The following CDC42BPA variants were observed in gnomAD, a reference collection of about 807,000 sequenced individuals.
The protein encoded by CDC42BPA is serine/threonine-protein kinase MRCK alpha.
Under a neutral mutation model 223.5 loss-of-function variants are expected in CDC42BPA, and 80 were observed. The observed-to-expected ratio is 0.36, with a 90% CI of 0.30 to 0.43. CDC42BPA has a LOEUF of 0.43. CDC42BPA is among the 20% of genes least tolerant of loss of function. The pLI, the probability that CDC42BPA is intolerant of heterozygous loss-of-function variation, is 1.00. For missense variants in CDC42BPA, 1,743 were observed against 2,099.9 expected, an observed-to-expected ratio of 0.83 and a Z score of 3.32; for synonymous variants, 694 against 718.6, an observed-to-expected ratio of 0.97 and a Z score of 0.55.
chr1:227,006,899 A>G (rs570815902), intron 34 of CDC42BPA, among the ~76,000 whole-genome samples: 6 of 152,068 alleles, frequency 3.9e-5, no homozygotes, highest in African/African-American at 1.4e-4. Context: ...AGATCACGCC[A>G]CTGCACTCCG....
intron 34 of CDC42BPA, chr1:227,010,927 G>T: frequency 7.3e-7 from 1 of 1,365,252 alleles, no homozygotes; most frequent in Non-Finnish European, 9.8e-7. Flanking sequence ...CAGAGACGGG[G>T]AATATTCAGG....
intron 24 of CDC42BPA, among the ~76,000 whole-genome samples, chr1:227,038,817 G>A (rs1670815177): frequency 6.6e-6 from 1 of 152,218 alleles, no homozygotes; most frequent in Non-Finnish European, 1.5e-5. Context: ...GCTACCAAGA[G>A]GTGGAAGTGG....
At chr1:227,086,890 T>C (rs6699828) in intron 16 of CDC42BPA, among the ~76,000 whole-genome samples, 95,975 of 151,846 alleles carry the variant, frequency 0.63, 30,494 homozygotes, top group East Asian at 0.72. Flanking sequence ...CCAGATTGGT[T>C]TTGAACTCCT....
At chr1:227,005,679 TA>T (rs1465856452) in intron 34 of CDC42BPA, among the ~76,000 whole-genome samples, 3 of 152,208 alleles carry the variant, frequency 2.0e-5, no homozygotes, top group African/African-American at 7.2e-5. Flanking sequence ...TAGGTGAAGT[TA>T]GTTAATTTGG....
At chr1:227,257,105 T>C (rs1023358059) in intron 1 of CDC42BPA, among the ~76,000 whole-genome samples, 56 of 152,120 alleles carry the variant, frequency 3.7e-4, no homozygotes, top group Non-Finnish European at 6.8e-4. Flanking sequence ...AAATATATTA[T>C]GTCACTTAAA....
chr1:227,133,066 G>A (rs1220906654), intron 10 of CDC42BPA, among the ~76,000 whole-genome samples: 9 of 146,888 alleles, frequency 6.1e-5, no homozygotes, highest in African/African-American at 1.0e-4. Flanking sequence ...CAGGCCAGCC[G>A]CCCCGTCCGG....
intron 6 of CDC42BPA, among the ~76,000 whole-genome samples, chr1:227,151,971 C>A (rs1384955370): frequency 6.6e-6 from 1 of 151,362 alleles, no homozygotes; most frequent in Non-Finnish European, 1.5e-5. Context: ...GATAAGTGAG[C>A]CGAGATCACG....
intron 35 of CDC42BPA, among the ~76,000 whole-genome samples, chr1:226,995,766 T>C (rs1661485479): frequency 6.6e-6 from 1 of 152,158 alleles, no homozygotes; most frequent in African/African-American, 2.4e-5. Context: ...AGTACCTATT[T>C]AAAGCTCTTA....
Position 227,317,784 on chromosome 1 carries a change from C to A in CDC42BPA, c.-602G>T. On this transcript the variant is annotated 5_prime_UTR_variant, in exon 1 of 37. Coordinates refer to ENST00000366766, the MANE Select transcript of CDC42BPA (RefSeq NM_001394014.1). ...AGCGGGAAAGGGAGGGGGCGAGGTC[C>A]CTGAAGCAGCCCCTCGGCTCGGAGC... 2.5e-6 allele frequency: 1 copy of A among 398,656 alleles called. No individual in the cohort carries two copies. The highest frequency in any genetic ancestry group is 1.3e-4 in the South Asian group (1 of 7,792). The allele number at this position is 398,656 out of a possible 1,614,324, so 24.7% of individuals were successfully genotyped here.
At chr1:227,040,373 T>A in intron 23 of CDC42BPA, 137 bp from the exon 24 acceptor site, 1 of 607,000 alleles carries the variant, frequency 1.6e-6, no homozygotes, top group Non-Finnish European at 2.9e-6. Flanking sequence ...TCATTACATC[T>A]TCTTATAGTT....
intron 14 of CDC42BPA, among the ~76,000 whole-genome samples, chr1:227,105,368 T>C (rs1047865973): frequency 3.4e-5 from 5 of 146,502 alleles, no homozygotes; most frequent in African/African-American, 1.3e-4. Context: ...TTTTTTTTTT[T>C]TTTTTTTTTT....
At chr1:227,066,610 G>A (rs1411762665) in intron 21 of CDC42BPA, among the ~76,000 whole-genome samples, 1 of 152,046 alleles carries the variant, frequency 6.6e-6, no homozygotes, top group Non-Finnish European at 1.5e-5. Context: ...ACTCTAAAGA[G>A]AAACACAAAG....
intron 2 of CDC42BPA, among the ~76,000 whole-genome samples, chr1:227,244,496 G>GGT (rs1553414399): frequency 1.4e-5 from 2 of 146,430 alleles, no homozygotes; most frequent in Non-Finnish European, 3.0e-5. Flanking sequence ...TCACATGGTG[G>GGT]GGGGGGGCAA....
rs949410468 is a variant in CDC42BPA, at chr1:227,088,838, G to C, written c.2355+3048C>G. Reference sequence around the variant, plus strand: ...CCTCCTGGGTTCAAGTGATTCTCCTGCCTCAGCCTCCCTAGTAGATGAGAC... The same window carrying C: ...CCTCCTGGGTTCAAGTGATTCTCCTCCCTCAGCCTCCCTAGTAGATGAGAC... On this transcript the variant is annotated intron_variant, in intron 16 of 36. Transcript: ENST00000366766. 5.3e-5 allele frequency among the ~76,000 whole-genome samples: 8 copies of C among 152,202 alleles called. No individual in the cohort carries two copies. In the East Asian group the frequency reaches 1.5e-3, roughly 29 times the overall value.
intron 1 of CDC42BPA, among the ~76,000 whole-genome samples, chr1:227,279,766 C>A (rs73098345): frequency 0.03 from 4,550 of 152,052 alleles, 198 homozygotes; most frequent in African/African-American, 0.1. Context: ...ATTTAACATA[C>A]TGTACTAAGG....
intron 1 of CDC42BPA, among the ~76,000 whole-genome samples, chr1:227,315,874 T>C (rs1000313693): frequency 6.7e-6 from 1 of 150,140 alleles, no homozygotes; most frequent in African/African-American, 2.5e-5. Flanking sequence ...ACTGGCAAAT[T>C]GAATAATTAA....
chr1:227,069,848 C>T lies in CDC42BPA; in HGVS notation c.2833G>A (p.Glu945Lys). 3 of 1,609,200 alleles carry T rather than the reference C, an allele frequency of 1.9e-6. No homozygotes were observed. The highest frequency in any genetic ancestry group is 2.6e-6 in the Non-Finnish European group (3 of 1,176,226). Residue 945 changes from glutamate (E) to lysine (K), a missense_variant, in exon 21 of 37, where the codon GAG (glutamate) becomes AAG (lysine). Physicochemically the swap from Glu to Lys is moderately conservative, Grantham distance 56 (BLOSUM62 1). This residue lies in a region of CDC42BPA where 678 missense variants were observed against 777.5 expected (regional missense o/e 0.87). Coordinates refer to ENST00000366766, the MANE Select transcript of CDC42BPA (RefSeq NM_001394014.1). ...TEELRSEKGI[E>K]HQDSQHSFLA... Reference sequence around the variant, plus strand: ...AAAGAATGCTGTGAGTCTTGGTGCTCTATACCTAGAAGACAGCAGCAACTT... The same window carrying T: ...AAAGAATGCTGTGAGTCTTGGTGCTTTATACCTAGAAGACAGCAGCAACTT...
At chr1:227,016,871 G>T in intron 33 of CDC42BPA, 56 bp downstream of exon 33, 1 of 1,502,830 alleles carries the variant, frequency 6.7e-7, no homozygotes, top group South Asian at 1.4e-5. Flanking sequence ...TATCATCACC[G>T]AGTAGTCCTT....
chr1:227,163,344 T>C (rs1318541374), intron 5 of CDC42BPA, among the ~76,000 whole-genome samples: 2 of 152,164 alleles, frequency 1.3e-5, no homozygotes, highest in African/African-American at 4.8e-5. Flanking sequence ...TGTTGCCCAT[T>C]TTTATTTTGT....
Sources: allele counts gnomAD v4.1 joint callset (sites outside exome capture counted in the v4.1 genomes callset), GRCh38; gene constraint gnomAD v4.1.1; regional missense constraint gnomAD v4.1.1; transcripts MANE v1.5; gene names NCBI Gene and HGNC (gene_info 2026-07-23, HGNC 2026-07-21).